PKHD1: variants seen among roughly 807,000 people sequenced by gnomAD.
PKHD1 encodes the protein fibrocystin.
Under a neutral mutation model 412.0 loss-of-function variants are expected in PKHD1, and 291 were observed. That is an observed-to-expected ratio of 0.71 (90% CI 0.64 to 0.78). The LOEUF (loss-of-function observed/expected upper bound fraction) is 0.78. PKHD1 is among the 30% of genes least tolerant of loss of function. The pLI is 0.00. For missense variants in PKHD1, 4,825 were observed against 4,950.7 expected (o/e 0.97, Z 0.76); for synonymous variants, 1,777 against 1,821.5 (o/e 0.98, Z 0.62).
At chr6:51,697,261 C>G (rs1196210661) in intron 60 of PKHD1, among the ~76,000 whole-genome samples, 1 of 152,146 alleles carries the variant, frequency 6.6e-6, no homozygotes, top group Non-Finnish European at 1.5e-5. Context: ...GTGTGCCTAA[C>G]CAAACACGCT....
intron 57 of PKHD1, 69 bp downstream of exon 57, chr6:51,753,132 G>T: frequency 1.5e-6 from 2 of 1,325,442 alleles, no homozygotes; most frequent in Non-Finnish European, 2.2e-6. Flanking sequence ...TCTCACAGTT[G>T]GGATTTCTGG....
At chr6:51,822,842 T>A (rs1218392278) in intron 52 of PKHD1, among the ~76,000 whole-genome samples, 1 of 152,168 alleles carries the variant, frequency 6.6e-6, no homozygotes, top group African/African-American at 2.4e-5. Context: ...TTTTTCTTTA[T>A]TTTTTTACAA....
chr6:52,045,197 T>A, intron 24 of PKHD1, 109 bp from the exon 25 acceptor site: 2 of 1,070,562 alleles, frequency 1.9e-6, no homozygotes, highest in Non-Finnish European at 2.8e-6. Flanking sequence ...ATCAGACAGC[T>A]AGAAAGTGAA....
chr6:51,638,817 A>AC (rs35481468), intron 64 of PKHD1, 32 bp downstream of exon 64: 2 of 1,309,756 alleles, frequency 1.5e-6, no homozygotes, highest in Non-Finnish European at 1.1e-6. Context: ...AAAAAAAAAA[A>AC]CACAGAATAA....
intron 36 of PKHD1, 82 bp from the exon 37 acceptor site, chr6:51,934,404 C>CTT (rs1244111607): frequency 1.2e-6 from 1 of 858,654 alleles, no homozygotes; most frequent in African/African-American, 1.7e-5. Context: ...ATGAAATCCC[C>CTT]TTCATTTAAA....
chr6:51,946,611 G>T (rs893656049), intron 36 of PKHD1, among the ~76,000 whole-genome samples: 1 of 152,182 alleles, frequency 6.6e-6, no homozygotes, highest in Non-Finnish European at 1.5e-5. Context: ...GAAATAAAGA[G>T]CAGGGCTGAA....
intron 57 of PKHD1, 142 bp from the exon 58 acceptor site, chr6:51,748,807 T>C (rs376508741): frequency 9.3e-6 from 7 of 751,972 alleles, no homozygotes; most frequent in African/African-American, 3.5e-5. Flanking sequence ...TTTCACACCA[T>C]AGATTCTCAA....
chr6:51,900,038 A>G (rs1488967202), intron 43 of PKHD1, among the ~76,000 whole-genome samples: 1 of 152,184 alleles, frequency 6.6e-6, no homozygotes, highest in African/African-American at 2.4e-5. Flanking sequence ...AAATGGAAGA[A>G]CATTCCATGC....
chr6:52,068,487 T>C (rs377335468), intron 11 of PKHD1, among the ~76,000 whole-genome samples: 1 of 152,228 alleles, frequency 6.6e-6, no homozygotes, highest in Admixed American at 6.5e-5. Flanking sequence ...ATATTGGCTA[T>C]GGACATAAGA....
intron 13 of PKHD1, among the ~76,000 whole-genome samples, chr6:52,064,333 G>C (rs922631334): frequency 3.9e-5 from 6 of 152,330 alleles, no homozygotes; most frequent in East Asian, 3.9e-4. Context: ...AAGTGCTCCA[G>C]TATTGTGCTC....
intron 48 of PKHD1, among the ~76,000 whole-genome samples, chr6:51,865,218 A>G (rs1473133094): frequency 6.6e-6 from 1 of 152,194 alleles, no homozygotes; most frequent in Non-Finnish European, 1.5e-5. Flanking sequence ...AAAACAATAT[A>G]AGCAGCACTC....
At chr6:51,793,551 T>A (rs1794095578) in intron 52 of PKHD1, among the ~76,000 whole-genome samples, 1 of 152,140 alleles carries the variant, frequency 6.6e-6, no homozygotes, top group Non-Finnish European at 1.5e-5. Context: ...GTGTGTGTTG[T>A]TCCCTGCCTT....
In PKHD1 at chr6:51,741,161, A is replaced by C. The variant is rs146332558; in HGVS notation, c.10156+3224T>G. 9.8e-5 allele frequency: 51 copies of C among 518,932 alleles called. 1 individual carries two copies. Among genetic ancestry groups the C allele is most frequent in the African/African-American group, 9.0e-4 (47 of 52,064 alleles). 32.1% of individuals were successfully genotyped at this position (518,932 alleles called of 1,614,324 possible). ...AGCAGCAAGAACATATTTGTGCCTA[A>C]ATAGCATATTACACCATCTGGTAAG... On this transcript the variant is annotated intron_variant, in intron 60 of 66. Transcript: ENST00000371117.
At chr6:51,916,126 T>C (rs1240760473) in intron 37 of PKHD1, among the ~76,000 whole-genome samples, 1 of 152,148 alleles carries the variant, frequency 6.6e-6, no homozygotes, top group Non-Finnish European at 1.5e-5. Context: ...TGCCACTGCC[T>C]CATGTCTCCT....
At chr6:51,898,387 A>G (rs1380658371) in intron 43 of PKHD1, among the ~76,000 whole-genome samples, 33 of 149,570 alleles carry the variant, frequency 2.2e-4, no homozygotes, top group African/African-American at 7.4e-4. Flanking sequence ...ACTACATGGA[A>G]ACTGAACAAC....
At chr6:51,803,043 A>G (rs1763185817) in intron 52 of PKHD1, among the ~76,000 whole-genome samples, 1 of 151,308 alleles carries the variant, frequency 6.6e-6, no homozygotes, top group Admixed American at 6.6e-5. Context: ...CTGAGTAACA[A>G]ATATTTAGTA....
At chr6:51,734,031 G>C (rs1315886842) in intron 60 of PKHD1, among the ~76,000 whole-genome samples, 1 of 152,166 alleles carries the variant, frequency 6.6e-6, no homozygotes, top group East Asian at 1.9e-4. Context: ...TATTCCTGTA[G>C]ACTAATAGAT....
intron 27 of PKHD1, among the ~76,000 whole-genome samples, chr6:52,036,837 G>A (rs888673500): frequency 2.6e-5 from 4 of 152,206 alleles, no homozygotes; most frequent in East Asian, 3.9e-4. Flanking sequence ...TAAATGGATC[G>A]AAAGAGTGAA....
chr6:51,867,186 TA>T (rs1775218138), intron 48 of PKHD1, among the ~76,000 whole-genome samples: 1 of 152,092 alleles, frequency 6.6e-6, no homozygotes. Context: ...GCTAAATATA[TA>T]CAATGCATTT....
Sources: gnomAD v4.1 joint callset for allele counts (sites outside exome capture counted in the v4.1 genomes callset) on GRCh38, gnomAD v4.1.1 for gene constraint, MANE v1.5 for transcripts, NCBI Gene and HGNC (gene_info 2026-07-23, HGNC 2026-07-21) for gene names.